Variants in FEM1B observed in about 807,000 individuals in gnomAD.
FEM1B encodes the protein fem-1 homolog B.
In FEM1B, 10 loss-of-function variants were observed where a neutral mutation model predicts 38.6. The observed-to-expected ratio is 0.26, with a 90% CI of 0.16 to 0.44. The LOEUF (loss-of-function observed/expected upper bound fraction) is 0.44, where lower values mean the gene tolerates loss of function less well. Ranked by LOEUF, FEM1B falls within the 20% of genes least tolerant of loss-of-function variation. FEM1B has a pLI of 1.00. For synonymous variants in FEM1B, 288 were observed against 288.0 expected, an observed-to-expected ratio of 1.00 and a Z score of 0.00; for missense variants, 471 against 786.7, an observed-to-expected ratio of 0.60 and a Z score of 4.80.
intron 1 of FEM1B, among the ~76,000 whole-genome samples, chr15:68,282,328 G>A (rs1161789992): frequency 1.3e-5 from 2 of 152,078 alleles, no homozygotes; most frequent in Non-Finnish European, 2.9e-5. Flanking sequence ...AAGGCATGAG[G>A]GGCATGCCAG....
rs187090777 is a variant in FEM1B, at chr15:68,280,049, T to G, written c.248+1384T>G. ...ATAGGCATATGAAGTCATTGAGATA[T>G]GAATTTCTGTAATAACAGCTGCTTG... is the stretch of plus-strand genomic sequence containing the variant. On this transcript the variant is annotated intron_variant, in intron 1 of 1. Transcript: ENST00000306917. The surrounding 1 kb of genome is among the most constrained non-coding windows in gnomAD (Gnocchi z 4.2). The G allele has an allele frequency of 6.6e-6, 1 of 152,232 alleles. No individual in the cohort carries two copies. The highest frequency in any genetic ancestry group is 1.5e-5 in the Non-Finnish European group (1 of 68,058). The allele number at this position is 152,232 out of a possible 1,614,324, so 9.4% of individuals were successfully genotyped here. A position where few individuals can be genotyped will look rare whatever the true frequency, so the allele number is the denominator to read the frequency against.
At chr15:68,279,790 A>G (rs1892706691) in intron 1 of FEM1B, among the ~76,000 whole-genome samples, 1 of 152,228 alleles carries the variant, frequency 6.6e-6, no homozygotes, top group African/African-American at 2.4e-5. Context: ...GAAAATATTC[A>G]TAGCATTACA....
rs1595842266 is a variant in FEM1B at position 68,292,315 on chromosome 15, C to T, written c.*1073C>T. ...TGTTTTTTATGATGAAAATAATTCT[C>T]AATGCCACTTGAAAGGTAATTGTGT... On this transcript the variant is annotated 3_prime_UTR_variant, in exon 2 of 2. Transcript: ENST00000306917. The T allele has an allele frequency of 6.6e-6, 1 of 152,124 alleles. No homozygotes were observed. 9.4% of individuals were successfully genotyped at this position (152,124 alleles called of 1,614,324 possible). A position where few individuals can be genotyped will look rare whatever the true frequency, so the allele number is the denominator to read the frequency against.
intron 1 of FEM1B, among the ~76,000 whole-genome samples, chr15:68,285,927 CTTT>C (rs34999248): frequency 2.2e-5 from 3 of 133,384 alleles, no homozygotes; most frequent in Non-Finnish European, 3.3e-5. Flanking sequence ...ACGGTTAATG[CTTT>C]TTTTTTTTTT....
In FEM1B at chr15:68,289,797, A is replaced by C; in HGVS notation, c.439A>C (p.Ile147Leu). 1 of 1,614,212 alleles carries C rather than the reference A, an allele frequency of 6.2e-7. No homozygotes were observed. Among genetic ancestry groups the C allele is most frequent in the Non-Finnish European group, 8.5e-7 (1 of 1,180,008 alleles). Reference sequence around the variant, plus strand: ...ATACTTGGTTGAAAATAATGCCAACATCAGCATTGCCAACAAATATGACAA... The same window carrying C: ...ATACTTGGTTGAAAATAATGCCAACCTCAGCATTGCCAACAAATATGACAA... ...VKYLVENNAN[I>L]SIANKYDNTC... The change falls in exon 2 of 2, where the codon ATC (isoleucine) becomes CTC (leucine). Residue 147 changes from isoleucine to leucine, a missense_variant. Ile to Leu is a conservative substitution (Grantham distance 5). Coordinates refer to ENST00000306917, the MANE Select transcript of FEM1B (RefSeq NM_015322.5). The surrounding 1 kb of genome is among the most constrained non-coding windows in gnomAD (Gnocchi z 6.9).
At position 68,289,553 on chromosome 15, in the gene FEM1B, CAT is replaced by C. The variant is rs750099001; in HGVS notation, c.249-51_249-50del. On this transcript the variant is annotated intron_variant, in intron 1 of 1. Transcript: ENST00000306917. This position sits in a 1 kb window ranked among gnomAD's most constrained non-coding sequence, Gnocchi z 6.9. ...GGTGGGAGTGAATACATCCCTTAAA[CAT>C]ATGTTAGGCTGTGGCCTCTGTTATC... 5 of 1,342,976 alleles carry C rather than the reference CAT, an allele frequency of 3.7e-6. No homozygotes were observed. The African/African-American group carries it at 5.7e-5, about 15-fold the overall frequency. 83.2% of individuals were successfully genotyped at this position (1,342,976 alleles called of 1,614,324 possible).
At chr15:68,285,141 G>T (rs1274177242) in intron 1 of FEM1B, among the ~76,000 whole-genome samples, 1 of 151,922 alleles carries the variant, frequency 6.6e-6, no homozygotes, top group Non-Finnish European at 1.5e-5. Flanking sequence ...CTTTTTGTTT[G>T]GCTTTTTTCG....
chr15:68,293,480 T>G lies in FEM1B; in HGVS notation c.*2238T>G, dbSNP rs1343623797. On this transcript the variant is annotated 3_prime_UTR_variant, in exon 2 of 2. Transcript: ENST00000306917. This position sits in a 1 kb window ranked among gnomAD's most constrained non-coding sequence, Gnocchi z 5.8. ...CAGACATCAAAATTTAATGACATTC[T>G]ATTTTGAGAAGGGAAGACAATGCTG... 6.6e-6 allele frequency: 1 copy of G among 152,202 alleles called. No individual in the cohort carries two copies. 9.4% of individuals were successfully genotyped at this position (152,202 alleles called of 1,614,324 possible). A position where few individuals can be genotyped will look rare whatever the true frequency, so the allele number is the denominator to read the frequency against.
chr15:68,278,358 C>A lies in FEM1B; in HGVS notation c.-60C>A. The stretch of plus-strand genomic sequence containing the variant: ...TTAAAGCGCTGGCGAACGCGGCCTC[C>A]GGGGGCGCACGGCAGCTGCAGCGGT... On this transcript the variant is annotated 5_prime_UTR_variant, in exon 1 of 2. Transcript: ENST00000306917. This position sits in a 1 kb window ranked among gnomAD's most constrained non-coding sequence, Gnocchi z 5.7. The A allele has an allele frequency of 6.4e-7, 1 of 1,559,064 alleles. No homozygotes were observed. Among genetic ancestry groups the A allele is most frequent in the Non-Finnish European group, 8.7e-7 (1 of 1,151,818 alleles).
rs910732440 is a variant in FEM1B, at chr15:68,284,389, GAATTGAAATTACTTGA to G, written c.249-5198_249-5183del. ...CAAAGTAATTTGGTATAAATTACTT[GAATTGAAATTACTTGA>G]AATTGAAATTACTTGAAATGAAAGT... On this transcript the variant is annotated intron_variant, in intron 1 of 1. Coordinates refer to ENST00000306917, the MANE Select transcript of FEM1B (RefSeq NM_015322.5). The surrounding 1 kb of genome is among the most constrained non-coding windows in gnomAD (Gnocchi z 4.4). 1.8e-3 allele frequency among the ~76,000 whole-genome samples: 277 copies of G among 151,990 alleles called. No homozygotes were observed. The highest frequency in any genetic ancestry group is 0.013 in the South Asian group (61 of 4,816).
rs1327798302 is a variant in FEM1B at position 68,295,598 on chromosome 15, T to C, written c.*4356T>C. 6.6e-6 allele frequency: 1 copy of C among 152,210 alleles called. No individual in the cohort carries two copies. The highest frequency in any genetic ancestry group is 2.1e-4 in the South Asian group (1 of 4,834). 9.4% of individuals were successfully genotyped at this position (152,210 alleles called of 1,614,324 possible). ...TATTCTAGTAATTCACTGTGATTTA[T>C]AACAAACCGGTGATGTCATTCTATT... On this transcript the variant is annotated 3_prime_UTR_variant, in exon 2 of 2. Coordinates refer to ENST00000306917, the MANE Select transcript of FEM1B (RefSeq NM_015322.5).
rs147577178 is a variant in FEM1B, at chr15:68,282,426, A to G, written c.248+3761A>G. On this transcript the variant is annotated intron_variant, in intron 1 of 1. Coordinates refer to ENST00000306917, the MANE Select transcript of FEM1B (RefSeq NM_015322.5). ...TACATGATTTTTAAGGACTTTGGTT[A>G]AAATAAAGTGTGGATCATTTATATT... Among the ~76,000 whole-genome samples, 1,342 of 152,358 alleles carry G rather than the reference A, an allele frequency of 8.8e-3. 17 individuals carry two copies. The highest frequency in any genetic ancestry group is 0.031 in the African/African-American group (1,270 of 41,590).
Position 68,280,958 on chromosome 15 carries a change from A to C in FEM1B, c.248+2293A>C, listed in dbSNP as rs2098703550. ...AAGGTACAGGAAATCTAAGGTTTCT[A>C]CTTTTGAGAAGCTTACAAATTAATT... On this transcript the variant is annotated intron_variant, in intron 1 of 1. Coordinates refer to ENST00000306917, the MANE Select transcript of FEM1B (RefSeq NM_015322.5). The surrounding 1 kb of genome is among the most constrained non-coding windows in gnomAD (Gnocchi z 4.2). Among the ~76,000 whole-genome samples, 7 of 152,218 alleles carry C rather than the reference A, an allele frequency of 4.6e-5. No individual in the cohort carries two copies. In the South Asian group the frequency reaches 1.2e-3, roughly 27 times the overall value.
At position 68,278,883 on chromosome 15, in the gene FEM1B, C is replaced by T. The variant is rs887663268; in HGVS notation, c.248+218C>T. Among the ~76,000 whole-genome samples the T allele has an allele frequency of 6.6e-6, 1 of 152,162 alleles. No homozygotes were observed. Among genetic ancestry groups the T allele is most frequent in the Admixed American group, 6.5e-5 (1 of 15,276 alleles). On this transcript the variant is annotated intron_variant, in intron 1 of 1. Transcript: ENST00000306917. This position sits in a 1 kb window ranked among gnomAD's most constrained non-coding sequence, Gnocchi z 5.7. Reference sequence around the variant, plus strand: ...TCCTCATCAGCCCCTACCCCTCATTCCCTCTGTGGGAAGATAACCACACCC... The same window carrying T: ...TCCTCATCAGCCCCTACCCCTCATTTCCTCTGTGGGAAGATAACCACACCC...
At chr15:68,286,767 G>A (rs1182959176) in intron 1 of FEM1B, among the ~76,000 whole-genome samples, 1 of 151,388 alleles carries the variant, frequency 6.6e-6, no homozygotes, top group Non-Finnish European at 1.5e-5. Context: ...AATGTTTATT[G>A]AACTTTACAT....
chr15:68,288,106 A>G lies in FEM1B; in HGVS notation c.249-1501A>G, dbSNP rs1176877562. Among the ~76,000 whole-genome samples the G allele has an allele frequency of 6.6e-6, 1 of 152,218 alleles. No individual in the cohort carries two copies. The highest frequency in any genetic ancestry group is 2.4e-5 in the African/African-American group (1 of 41,462). On this transcript the variant is annotated intron_variant, in intron 1 of 1. Coordinates refer to ENST00000306917, the MANE Select transcript of FEM1B (RefSeq NM_015322.5). The surrounding 1 kb of genome is among the most constrained non-coding windows in gnomAD (Gnocchi z 4.6). The stretch of plus-strand genomic sequence containing the variant: ...CAGCCTCCCAAAGTACTGAGATGAT[A>G]GGCGTGAGCCACCATGCCAGGCCTA...
At position 68,278,390 on chromosome 15, in the gene FEM1B, C is replaced by G; in HGVS notation, c.-28C>G. ...GCACGGCAGCTGCAGCGGTGGCGAC[C>G]AAACGGGTGTTGGAGTTGGCGGCGG... On this transcript the variant is annotated 5_prime_UTR_variant, in exon 1 of 2. Transcript: ENST00000306917. The surrounding 1 kb of genome is among the most constrained non-coding windows in gnomAD (Gnocchi z 5.7). 2 of 1,598,492 alleles carry G rather than the reference C, an allele frequency of 1.3e-6. No homozygotes were observed. The highest frequency in any genetic ancestry group is 1.7e-6 in the Non-Finnish European group (2 of 1,172,194).
At chr15:68,279,759 T>G (rs958621043) in intron 1 of FEM1B, among the ~76,000 whole-genome samples, 14 of 152,218 alleles carry the variant, frequency 9.2e-5, no homozygotes, top group African/African-American at 3.4e-4. Context: ...TAAAAGCTTT[T>G]TCTTCTATTT....
intron 1 of FEM1B, among the ~76,000 whole-genome samples, chr15:68,287,987 GC>G: frequency 1.3e-5 from 2 of 152,162 alleles, no homozygotes; most frequent in Middle Eastern, 3.4e-3. Flanking sequence ...GTGCCACCAT[GC>G]CCGGCTAATT....
Sources: gnomAD v4.1 joint callset for allele counts (sites outside exome capture counted in the v4.1 genomes callset) on GRCh38, gnomAD v4.1.1 for gene constraint, Gnocchi (gnomAD v3.1) non-coding constraint, MANE v1.5 for transcripts, NCBI Gene and HGNC (gene_info 2026-07-23, HGNC 2026-07-21) for gene names.